The following KIAA0825 variants were observed in gnomAD, a reference collection of about 807,000 sequenced individuals.
The protein encoded by KIAA0825 is KIAA0825, also known as uncharacterized protein KIAA0825.
Under a neutral mutation model 147.6 loss-of-function variants are expected in KIAA0825, and 119 were observed. That is an observed-to-expected ratio of 0.81 (90% CI 0.69 to 0.94). The LOEUF is 0.94. Ranked by LOEUF, KIAA0825 falls within the 40% of genes least tolerant of loss-of-function variation. KIAA0825 has a pLI of 0.00. For synonymous variants in KIAA0825, 470 were observed against 518.1 expected, an observed-to-expected ratio of 0.91 and a Z score of 1.26; for missense variants, 1,381 against 1,472.7, an observed-to-expected ratio of 0.94 and a Z score of 1.02.
rs879523504 is a variant in KIAA0825 at position 94,196,458 on chromosome 5, C to CT, written c.3711-42335dup. On this transcript the variant is annotated intron_variant, in intron 20 of 20. Transcript: ENST00000682413. ...GCTTTATTTTCTACTGACGAAACTT[C>CT]TTTTTTTTTTTTTAACTTTATTTTA... Among the ~76,000 whole-genome samples, 204 of 143,646 alleles carry CT rather than the reference C, an allele frequency of 1.4e-3. No homozygotes were observed. The East Asian group carries it at 0.014, about 10-fold the overall frequency. 94.2% of individuals were successfully genotyped at this position (143,646 alleles called of 152,430 possible).
chr5:94,331,518 G>A (rs928395303), intron 20 of KIAA0825, among the ~76,000 whole-genome samples: 3 of 152,156 alleles, frequency 2.0e-5, no homozygotes, highest in Non-Finnish European at 4.4e-5. Flanking sequence ...CCATTTCTAT[G>A]TAATCTCTTC....
At chr5:94,454,233 T>C (rs1324433587) in intron 12 of KIAA0825, among the ~76,000 whole-genome samples, 1 of 152,226 alleles carries the variant, frequency 6.6e-6, no homozygotes, top group Non-Finnish European at 1.5e-5. Flanking sequence ...GGGAATACTT[T>C]AGAAATGGAA....
intron 20 of KIAA0825, among the ~76,000 whole-genome samples, chr5:94,357,158 CA>C (rs544824952): frequency 9.5e-4 from 144 of 152,244 alleles, no homozygotes; most frequent in African/African-American, 3.3e-3. Context: ...AAATAGATTA[CA>C]ATACAGTCCT....
chr5:94,510,431 G>C (rs1354971434), intron 5 of KIAA0825, among the ~76,000 whole-genome samples: 1 of 152,192 alleles, frequency 6.6e-6, no homozygotes, highest in Non-Finnish European at 1.5e-5. Context: ...CTAAATAATA[G>C]ACAAGGGCTT....
At chr5:94,526,176 C>T (rs1156898954) in intron 3 of KIAA0825, among the ~76,000 whole-genome samples, 1 of 151,852 alleles carries the variant, frequency 6.6e-6, no homozygotes, top group Non-Finnish European at 1.5e-5. Flanking sequence ...GACAATTTAT[C>T]TTCTTTAATC....
intron 20 of KIAA0825, among the ~76,000 whole-genome samples, chr5:94,373,764 A>G (rs1747103800): frequency 6.6e-6 from 1 of 152,228 alleles, no homozygotes; most frequent in Non-Finnish European, 1.5e-5. Context: ...ACTACATAAA[A>G]TGAAGAATAT....
At chr5:94,522,369 C>G (rs1157005726) in intron 4 of KIAA0825, among the ~76,000 whole-genome samples, 2 of 151,528 alleles carry the variant, frequency 1.3e-5, no homozygotes, top group Admixed American at 6.6e-5. Flanking sequence ...TAGGACACAT[C>G]AGCATTACTG....
intron 20 of KIAA0825, among the ~76,000 whole-genome samples, chr5:94,170,288 G>A (rs991401003): frequency 6.6e-6 from 1 of 152,062 alleles, no homozygotes; most frequent in Admixed American, 6.6e-5. Flanking sequence ...GACAGAGCAA[G>A]ACTCCATCTC....
intron 3 of KIAA0825, among the ~76,000 whole-genome samples, chr5:94,528,705 A>C (rs929209047): frequency 2.0e-5 from 3 of 152,134 alleles, no homozygotes; most frequent in African/African-American, 7.2e-5. Context: ...TAATAATATA[A>C]AGAGAAGTTT....
intron 2 of KIAA0825, among the ~76,000 whole-genome samples, chr5:94,541,598 T>G (rs773960537): frequency 6.6e-6 from 1 of 152,244 alleles, no homozygotes; most frequent in African/African-American, 2.4e-5. Context: ...ATTCAGTGTT[T>G]CCATACATTG....
chr5:94,198,780 A>C (rs748835014), intron 20 of KIAA0825, among the ~76,000 whole-genome samples: 3 of 152,100 alleles, frequency 2.0e-5, no homozygotes, highest in Admixed American at 2.0e-4. Context: ...AACAACAACA[A>C]CAAAGGGGTG....
intron 20 of KIAA0825, among the ~76,000 whole-genome samples, chr5:94,183,188 T>C (rs1377641253): frequency 2.0e-5 from 3 of 152,152 alleles, no homozygotes; most frequent in South Asian, 2.1e-4. Context: ...ATACAAATTA[T>C]CACCTACCTG....
chr5:94,497,247 T>C (rs1764487699), intron 5 of KIAA0825, among the ~76,000 whole-genome samples: 1 of 152,304 alleles, frequency 6.6e-6, no homozygotes, highest in African/African-American at 2.4e-5. Flanking sequence ...GTGATTTATA[T>C]GAACAGTTTC....
intron 20 of KIAA0825, among the ~76,000 whole-genome samples, chr5:94,318,665 A>G (rs1224023063): frequency 6.6e-6 from 1 of 151,926 alleles, no homozygotes; most frequent in African/African-American, 2.4e-5. Context: ...CAGGAAAGAA[A>G]CAGACTCAAC....
chr5:94,530,333 T>C (rs1472512441), intron 3 of KIAA0825, among the ~76,000 whole-genome samples: 1 of 147,860 alleles, frequency 6.8e-6, no homozygotes, highest in Non-Finnish European at 1.5e-5. Context: ...TCTTTATGAA[T>C]GAGACAGAGT....
intron 5 of KIAA0825, among the ~76,000 whole-genome samples, chr5:94,514,829 T>C (rs1200630296): frequency 1.3e-5 from 2 of 152,182 alleles, no homozygotes; most frequent in South Asian, 2.1e-4. Context: ...TTATCTTGAA[T>C]GATCTTTTCA....
intron 20 of KIAA0825, among the ~76,000 whole-genome samples, chr5:94,183,982 G>A (rs1319810255): frequency 1.3e-5 from 2 of 152,296 alleles, no homozygotes; most frequent in South Asian, 2.1e-4. Flanking sequence ...TGGTTAACCT[G>A]GAGACCCACC....
intron 20 of KIAA0825, among the ~76,000 whole-genome samples, chr5:94,230,756 T>C (rs1774620623): frequency 6.6e-6 from 1 of 152,190 alleles, no homozygotes; most frequent in East Asian, 1.9e-4. Context: ...TAAAGCCATG[T>C]AAACCTACTG....
chr5:94,437,300 A>G (rs1756502387), intron 14 of KIAA0825, among the ~76,000 whole-genome samples: 1 of 152,228 alleles, frequency 6.6e-6, no homozygotes, highest in Non-Finnish European at 1.5e-5. Context: ...TAAAGTGACA[A>G]GAATTCTATT....
Sources: allele counts gnomAD v4.1 joint callset (sites outside exome capture counted in the v4.1 genomes callset), GRCh38; gene constraint gnomAD v4.1.1; transcripts MANE v1.5; gene names NCBI Gene and HGNC (gene_info 2026-07-23, HGNC 2026-07-21).